The following STK39 variants were observed in gnomAD, a reference collection of about 807,000 sequenced individuals.
STK39 encodes the protein serine/threonine kinase 39, also known as STE20/SPS1-related proline-alanine-rich protein kinase.
STK39 carries 20 observed loss-of-function variants against 77.8 expected under a neutral mutation model. The ratio of observed to expected loss-of-function variants is 0.26; its 90% confidence interval spans 0.18 to 0.37. The LOEUF is 0.37. STK39 is among the 10% of genes least tolerant of loss of function. STK39 has a pLI of 1.00. For synonymous variants in STK39, 246 were observed against 234.1 expected, an observed-to-expected ratio of 1.05 and a Z score of -0.47; for missense variants, 479 against 656.5, an observed-to-expected ratio of 0.73 and a Z score of 2.95.
At chr2:167,984,725 G>A (rs1468989844) in intron 16 of STK39, among the ~76,000 whole-genome samples, 1 of 152,166 alleles carries the variant, frequency 6.6e-6, no homozygotes, top group Non-Finnish European at 1.5e-5. Flanking sequence ...ATTTTTAACA[G>A]TTGTGTGATT....
intron 10 of STK39, among the ~76,000 whole-genome samples, chr2:168,086,262 T>C (rs1686364397): frequency 6.6e-6 from 1 of 152,146 alleles, no homozygotes; most frequent in Admixed American, 6.5e-5. Flanking sequence ...CCACACACTT[T>C]AAGTCATGTT....
intron 8 of STK39, among the ~76,000 whole-genome samples, chr2:168,133,501 G>C (rs992571329): frequency 3.3e-5 from 5 of 152,050 alleles, no homozygotes; most frequent in Non-Finnish European, 5.9e-5. Context: ...TATCACTTTG[G>C]GATAAAATCC....
chr2:168,233,782 T>G (rs1031765249), intron 1 of STK39, among the ~76,000 whole-genome samples: 1 of 152,222 alleles, frequency 6.6e-6, no homozygotes, highest in Non-Finnish European at 1.5e-5. Context: ...TAAGACAAAC[T>G]GAAGTGATTC....
intron 16 of STK39, among the ~76,000 whole-genome samples, chr2:168,004,412 C>A (rs1380903929): frequency 1.3e-5 from 2 of 152,104 alleles, no homozygotes; most frequent in East Asian, 3.9e-4. Flanking sequence ...CTGAAGGCAT[C>A]TCCAAAGATT....
chr2:168,152,395 T>A (rs1688312344), intron 5 of STK39, among the ~76,000 whole-genome samples: 2 of 152,236 alleles, frequency 1.3e-5, no homozygotes, highest in African/African-American at 4.8e-5. Flanking sequence ...TGACTGCAGC[T>A]AATGAAGGGT....
intron 1 of STK39, among the ~76,000 whole-genome samples, chr2:168,196,556 TGAGGCAGAAGAATTGCTTGAACCTGG>T (rs1689473871): frequency 1.3e-5 from 2 of 152,232 alleles, no homozygotes; most frequent in Non-Finnish European, 2.9e-5. Context: ...CTCGGGAGGC[TGAGGCAGAAGAATTGCTTGAACCTGG>T]GAGGCAGAGG....
chr2:168,127,068 T>C (rs186879584), intron 10 of STK39, among the ~76,000 whole-genome samples: 2 of 152,314 alleles, frequency 1.3e-5, no homozygotes, highest in Admixed American at 1.3e-4. Context: ...CACGAAACTC[T>C]AGTTGCTTAT....
At chr2:168,018,452 C>CCA in intron 14 of STK39, among the ~76,000 whole-genome samples, 1 of 151,072 alleles carries the variant, frequency 6.6e-6, no homozygotes, top group African/African-American at 2.4e-5. Flanking sequence ...AAAATCACAC[C>CCA]ACTGCATTAC....
intron 5 of STK39, among the ~76,000 whole-genome samples, chr2:168,147,790 A>G (rs759827654): frequency 4.6e-5 from 7 of 152,210 alleles, no homozygotes; most frequent in Non-Finnish European, 8.8e-5. Flanking sequence ...TACACTCAGC[A>G]CTAAAAGCAC....
At chr2:167,998,515 A>G (rs1359447640) in intron 16 of STK39, among the ~76,000 whole-genome samples, 1 of 152,236 alleles carries the variant, frequency 6.6e-6, no homozygotes. Flanking sequence ...CAATATTATG[A>G]AATGGAAATA....
At chr2:168,020,517 G>T (rs1322537171) in intron 14 of STK39, among the ~76,000 whole-genome samples, 1 of 151,872 alleles carries the variant, frequency 6.6e-6, no homozygotes, top group African/African-American at 2.4e-5. Context: ...CCCTGAAAGG[G>T]TCTCAAAGAC....
intron 14 of STK39, among the ~76,000 whole-genome samples, chr2:168,048,800 G>A (rs928616541): frequency 6.6e-6 from 1 of 152,170 alleles, no homozygotes; most frequent in Non-Finnish European, 1.5e-5. Context: ...ATCAAAGCTA[G>A]GCGCCATGTC....
intron 1 of STK39, among the ~76,000 whole-genome samples, chr2:168,225,895 G>A (rs1690292085): frequency 6.6e-6 from 1 of 152,116 alleles, no homozygotes; most frequent in Non-Finnish European, 1.5e-5. Context: ...AGGGCAGTCA[G>A]GTGTTCTATG....
At chr2:168,233,600 A>G (rs1690516532) in intron 1 of STK39, among the ~76,000 whole-genome samples, 1 of 151,172 alleles carries the variant, frequency 6.6e-6, no homozygotes, top group African/African-American at 2.4e-5. Flanking sequence ...TCCTTGACTC[A>G]CTCAAATCCC....
chr2:168,098,900 C>A (rs1686745140), intron 10 of STK39, among the ~76,000 whole-genome samples: 1 of 152,250 alleles, frequency 6.6e-6, no homozygotes, highest in South Asian at 2.1e-4. Flanking sequence ...AGAAGTGGAG[C>A]TACGTGGCTT....
intron 1 of STK39, among the ~76,000 whole-genome samples, chr2:168,222,232 G>A (rs879272683): frequency 6.6e-6 from 1 of 152,154 alleles, no homozygotes; most frequent in African/African-American, 2.4e-5. Context: ...TCCACTGCCA[G>A]AATTCCTCTG....
chr2:167,962,962 G>C (rs915590082), intron 17 of STK39, among the ~76,000 whole-genome samples: 1 of 152,186 alleles, frequency 6.6e-6, no homozygotes, highest in Non-Finnish European at 1.5e-5. Context: ...TAAAGCAGGA[G>C]AGCTGGAGGA....
intron 16 of STK39, among the ~76,000 whole-genome samples, chr2:167,982,800 T>G (rs1365456787): frequency 6.6e-6 from 1 of 152,194 alleles, no homozygotes; most frequent in Admixed American, 6.5e-5. Context: ...AAGATGAAGA[T>G]AGGTAGAGCT....
intron 12 of STK39, 22 bp downstream of exon 12, chr2:168,074,960 T>A: frequency 6.4e-7 from 1 of 1,555,832 alleles, no homozygotes; most frequent in Non-Finnish European, 8.8e-7. Flanking sequence ...GGCAAAATAA[T>A]AAATAAATAG....
Sources: allele counts gnomAD v4.1 joint callset (sites outside exome capture counted in the v4.1 genomes callset), GRCh38; gene constraint gnomAD v4.1.1; transcripts MANE v1.5; gene names NCBI Gene and HGNC (gene_info 2026-07-23, HGNC 2026-07-21).